The following LMCD1 variants were observed in gnomAD, a reference collection of about 807,000 sequenced individuals.
LMCD1 encodes LIM and cysteine rich domains 1, also known as LIM and cysteine-rich domains protein 1.
LMCD1 carries 32 observed loss-of-function variants against 42.7 expected under a neutral mutation model. The ratio of observed to expected loss-of-function variants is 0.75; its 90% CI spans 0.57 to 1.01. The LOEUF is 1.01. LMCD1 is among the 50% of genes least tolerant of loss of function. The probability of loss-of-function intolerance (pLI) is 0.00; values close to 1 mark genes in which losing one functional copy is unlikely to be tolerated. For missense variants in LMCD1, 458 were observed against 483.1 expected, an observed-to-expected ratio of 0.95 and a Z score of 0.49; for synonymous variants, 178 against 184.9, an observed-to-expected ratio of 0.96 and a Z score of 0.30.
In LMCD1 at chr3:8,537,398, C is replaced by T; in HGVS notation, c.345C>T (p.Thr115=). The change falls in exon 3 of 6, where the codon ACC becomes ACT. Residue 115 remains threonine, a synonymous_variant. Transcript: ENST00000157600. ...CTGGGAAAGATCCCACTTTTGACAC[C>T]ATCACCTACGAGTGGGCTCCCCCTG... The part of the protein sequence containing the change: ...IATGKDPTFD[T]ITYEWAPPGV... The T allele has an allele frequency of 6.2e-7, 1 of 1,608,856 alleles. No individual in the cohort carries two copies. The highest frequency in any genetic ancestry group is 8.5e-7 in the Non-Finnish European group (1 of 1,175,870).
chr3:8,542,594 C>T (rs1694647104), intron 3 of LMCD1, among the ~76,000 whole-genome samples: 1 of 152,202 alleles, frequency 6.6e-6, no homozygotes, highest in Non-Finnish European at 1.5e-5. Context: ...CCTGTTACCA[C>T]TTGATGCTTA....
chr3:8,548,634 T>A lies in LMCD1; in HGVS notation c.454T>A (p.Tyr152Asn). 1 of 1,614,190 alleles carries A rather than the reference T, an allele frequency of 6.2e-7. No individual in the cohort carries two copies. Among genetic ancestry groups the A allele is most frequent in the Non-Finnish European group, 8.5e-7 (1 of 1,180,026 alleles). Residue 152 changes from tyrosine (Y) to asparagine (N), a missense_variant, in exon 4 of 6, where the codon TAC (tyrosine) becomes AAC (asparagine). Coordinates refer to ENST00000157600, the MANE Select transcript of LMCD1 (RefSeq NM_014583.4). ...AGTGACAGGCACAGAGGGTGCCTTTTACCGCCGCCGCCAGCTCATGCACCA... is the reference window on the plus strand; with the variant it reads ...AGTGACAGGCACAGAGGGTGCCTTTAACCGCCGCCGCCAGCTCATGCACCA... Reference protein sequence around the residue: ...QPVTGTEGAFYRRRQLMHQLP... With the variant: ...QPVTGTEGAFNRRRQLMHQLP...
At chr3:8,522,692 T>G (rs901574235) in intron 1 of LMCD1, among the ~76,000 whole-genome samples, 2 of 152,142 alleles carry the variant, frequency 1.3e-5, no homozygotes, top group African/African-American at 4.8e-5. Flanking sequence ...GAGAGGAACA[T>G]TAAGGAGAAC....
intron 4 of LMCD1, chr3:8,550,060 A>T: frequency 6.8e-7 from 1 of 1,475,370 alleles, no homozygotes; most frequent in South Asian, 1.3e-5. Flanking sequence ...AGGAAGTGGC[A>T]GTGTGGAAGA....
chr3:8,565,622 G>A lies in LMCD1; in HGVS notation c.914G>A (p.Arg305Gln). 6 of 1,608,650 alleles carry A rather than the reference G, an allele frequency of 3.7e-6. No individual in the cohort carries two copies. Among genetic ancestry groups the A allele is most frequent in the Non-Finnish European group, 5.1e-6 (6 of 1,177,754 alleles). ...WCGRHYCESL[R>Q]PRCSGCDEII... is the part of the protein sequence containing the mutation. The stretch of plus-strand genomic sequence containing the variant: ...GGCCGCCATTACTGCGAGAGTCTGC[G>A]GCCCCGGTGCTCCGGCTGCGATGAG... Residue 305 changes from arginine (R) to glutamine (Q), a missense_variant, in exon 5 of 6, where the codon CGG (arginine) becomes CAG (glutamine). Transcript: ENST00000157600.
At chr3:8,530,085 C>T (rs901172527) in intron 1 of LMCD1, among the ~76,000 whole-genome samples, 11 of 152,196 alleles carry the variant, frequency 7.2e-5, no homozygotes, top group African/African-American at 2.7e-4. Context: ...TGCTTGCTCT[C>T]TACCTCACTT....
In LMCD1 at chr3:8,573,309, G is replaced by C. The variant is rs55806758; in HGVS notation, c.*5711G>C. 6.6e-6 allele frequency: 1 copy of C among 151,982 alleles called. No homozygotes were observed. 9.4% of individuals were successfully genotyped at this position (151,982 alleles called of 1,614,324 possible). A position where few individuals can be genotyped will look rare whatever the true frequency, so the allele number is the denominator to read the frequency against. ...TTTATGGTCTATAACATGGTGTTTCGATATATGTATACATCGTGGAATGGC... is the reference window on the plus strand; with the variant it reads ...TTTATGGTCTATAACATGGTGTTTCCATATATGTATACATCGTGGAATGGC... On this transcript the variant is annotated 3_prime_UTR_variant, in exon 6 of 6. Transcript: ENST00000157600.
chr3:8,552,105 T>C (rs1694852923), intron 4 of LMCD1, among the ~76,000 whole-genome samples: 1 of 152,120 alleles, frequency 6.6e-6, no homozygotes, highest in Non-Finnish European at 1.5e-5. Flanking sequence ...ATCGTGTTCG[T>C]TGTGTTTGTC....
intron 3 of LMCD1, among the ~76,000 whole-genome samples, chr3:8,546,503 T>C (rs1694737656): frequency 1.3e-5 from 2 of 152,160 alleles, no homozygotes; most frequent in African/African-American, 4.8e-5. Flanking sequence ...CGGCATGACA[T>C]GGCCACAGTC....
At chr3:8,540,626 A>G (rs1026777712) in intron 3 of LMCD1, among the ~76,000 whole-genome samples, 1 of 152,212 alleles carries the variant, frequency 6.6e-6, no homozygotes, top group Admixed American at 6.5e-5. Context: ...GAAGGAGCAG[A>G]TACCCTGGGT....
intron 1 of LMCD1, among the ~76,000 whole-genome samples, chr3:8,505,069 T>TAAAAGGCTCAGCATATGGGCACTCAG (rs1222482910): frequency 7.2e-5 from 11 of 152,194 alleles, no homozygotes; most frequent in Non-Finnish European, 1.5e-4. Flanking sequence ...ATGATGTACA[T>TAAAAGGCTCAGCATATGGGCACTCAG]AAAAGGCTCA....
chr3:8,506,928 A>G (rs1376130751), intron 1 of LMCD1, among the ~76,000 whole-genome samples: 3 of 152,220 alleles, frequency 2.0e-5, no homozygotes, highest in African/African-American at 7.2e-5. Context: ...ATGACAAAAT[A>G]GGCTTAAAAC....
intron 2 of LMCD1, among the ~76,000 whole-genome samples, chr3:8,534,786 C>G (rs1559350540): frequency 6.6e-6 from 1 of 152,092 alleles, no homozygotes; most frequent in Non-Finnish European, 1.5e-5. Context: ...CCTGTGTCCT[C>G]TATAATCTGG....
chr3:8,502,000 T>C lies in LMCD1; in HGVS notation c.42+20T>C, dbSNP rs1214001034. On this transcript the variant is annotated intron_variant, in intron 1 of 5. Transcript: ENST00000157600. ...AAAAAGGTGAGTGGAAAGCTGTTTGTATTTACCCAGATTCTTACTTTTTCT... is the reference window on the plus strand; with the variant it reads ...AAAAAGGTGAGTGGAAAGCTGTTTGCATTTACCCAGATTCTTACTTTTTCT... The C allele has an allele frequency of 1.3e-6, 2 of 1,566,924 alleles. No homozygotes were observed. The highest frequency in any genetic ancestry group is 1.2e-5 in the South Asian group (1 of 86,650).
chr3:8,565,718 G>C, intron 5 of LMCD1, 71 bp downstream of exon 5: 11 of 1,388,500 alleles, frequency 7.9e-6, no homozygotes, highest in Non-Finnish European at 1.1e-5. Context: ...CAGAGGCCAA[G>C]AGGAGCATGG....
intron 4 of LMCD1, among the ~76,000 whole-genome samples, chr3:8,563,208 C>G (rs1411791462): frequency 6.6e-6 from 1 of 152,178 alleles, no homozygotes; most frequent in African/African-American, 2.4e-5. Context: ...ATCAAACAAC[C>G]ATACAGAGAA....
chr3:8,529,569 C>T (rs1694372740), intron 1 of LMCD1, among the ~76,000 whole-genome samples: 2 of 152,130 alleles, frequency 1.3e-5, no homozygotes, highest in Non-Finnish European at 2.9e-5. Context: ...CAGAGCACCG[C>T]GAGGGCAAAG....
intron 1 of LMCD1, among the ~76,000 whole-genome samples, chr3:8,509,453 A>G (rs907086989): frequency 3.3e-5 from 5 of 152,216 alleles, no homozygotes; most frequent in African/African-American, 9.6e-5. Context: ...TCTTGCTTAT[A>G]AGATAGGGCA....
rs1694526194 is a variant in LMCD1, at chr3:8,537,233, A to T, written c.180A>T (p.Thr60=). Residue 60 remains threonine (T), a synonymous_variant, in exon 3 of 6, where the codon ACA becomes ACT. Transcript: ENST00000157600. ...CKCSQEDHCL[T]SDLEDDRKIG... ...GCAGCCAAGAGGACCACTGCCTAAC[A>T]TCTGACCTAGAAGACGATCGGAAAA... 2 of 1,614,014 alleles carry T rather than the reference A, an allele frequency of 1.2e-6. No homozygotes were observed. Among genetic ancestry groups the T allele is most frequent in the Non-Finnish European group, 8.5e-7 (1 of 1,180,032 alleles).
Sources: allele counts gnomAD v4.1 joint callset (sites outside exome capture counted in the v4.1 genomes callset), GRCh38; gene constraint gnomAD v4.1.1; transcripts MANE v1.5; gene names NCBI Gene and HGNC (gene_info 2026-07-23, HGNC 2026-07-21).